RNGTT: variants seen among roughly 807,000 people sequenced by gnomAD.
RNGTT encodes the protein RNA guanylyltransferase and 5'-phosphatase.
Under a neutral mutation model 79.3 loss-of-function variants are expected in RNGTT, and 33 were observed. That is an observed-to-expected ratio of 0.42 (90% confidence interval 0.32 to 0.56). RNGTT has a LOEUF of 0.56. Ranked by LOEUF, RNGTT falls within the 20% of genes least tolerant of loss-of-function variation. The pLI is 0.17. For missense variants in RNGTT, 497 were observed against 739.1 expected, an observed-to-expected ratio of 0.67 and a Z score of 3.80; for synonymous variants, 222 against 235.9, an observed-to-expected ratio of 0.94 and a Z score of 0.54.
At chr6:88,875,696 G>C (rs1582570401) in intron 8 of RNGTT, among the ~76,000 whole-genome samples, 3 of 152,054 alleles carry the variant, frequency 2.0e-5, no homozygotes, top group Admixed American at 2.0e-4. Context: ...AAAGTACTCA[G>C]AACAATGCCT....
intron 2 of RNGTT, among the ~76,000 whole-genome samples, chr6:88,930,219 T>A (rs1784476189): frequency 7.0e-6 from 1 of 142,296 alleles, no homozygotes; most frequent in Admixed American, 6.9e-5. Flanking sequence ...TATATACATA[T>A]AAAACATGTA....
intron 9 of RNGTT, among the ~76,000 whole-genome samples, chr6:88,852,253 C>A (rs1781698168): frequency 6.6e-6 from 1 of 152,042 alleles, no homozygotes; most frequent in Non-Finnish European, 1.5e-5. Flanking sequence ...CTAAGCAATA[C>A]CCGTACTCTT....
chr6:88,799,292 T>C (rs1346128327), intron 12 of RNGTT, among the ~76,000 whole-genome samples: 2 of 152,172 alleles, frequency 1.3e-5, no homozygotes, highest in African/African-American at 4.8e-5. Context: ...CATGACAAAT[T>C]GATTCTGAAA....
At chr6:88,630,965 T>C (rs1009860257) in intron 14 of RNGTT, among the ~76,000 whole-genome samples, 1 of 152,204 alleles carries the variant, frequency 6.6e-6, no homozygotes, top group Admixed American at 6.5e-5. Context: ...TATTCTTATA[T>C]CCATTTAAAA....
chr6:88,657,241 T>A (rs1298756824), intron 14 of RNGTT, among the ~76,000 whole-genome samples: 3 of 152,144 alleles, frequency 2.0e-5, no homozygotes, highest in African/African-American at 4.8e-5. Context: ...TGAACATATA[T>A]CCCCACTGGA....
chr6:88,927,732 G>A (rs1440468757), intron 4 of RNGTT, among the ~76,000 whole-genome samples: 6 of 151,582 alleles, frequency 4.0e-5, no homozygotes, highest in Admixed American at 1.3e-4. Context: ...TACTCAGGGG[G>A]CTGAGGTGGG....
chr6:88,677,285 GAA>G (rs35139705), intron 14 of RNGTT, among the ~76,000 whole-genome samples: 16 of 109,178 alleles, frequency 1.5e-4, no homozygotes, highest in Admixed American at 3.0e-4. Context: ...TGGAGACCAG[GAA>G]AAAAAAAAAA....
intron 14 of RNGTT, among the ~76,000 whole-genome samples, chr6:88,633,621 CTAAAA>C (rs1772988591): frequency 6.6e-6 from 1 of 152,076 alleles, no homozygotes; most frequent in African/African-American, 2.4e-5. Context: ...AAGTGCTCAA[CTAAAA>C]TGTTTTTTTT....
intron 13 of RNGTT, among the ~76,000 whole-genome samples, chr6:88,690,868 T>C (rs1425907917): frequency 6.6e-6 from 1 of 152,182 alleles, no homozygotes; most frequent in Non-Finnish European, 1.5e-5. Flanking sequence ...TGAATACATG[T>C]GTCCTAAAGT....
chr6:88,860,221 T>C (rs1354906178), intron 8 of RNGTT, among the ~76,000 whole-genome samples: 1 of 152,212 alleles, frequency 6.6e-6, no homozygotes, highest in Non-Finnish European at 1.5e-5. Context: ...TTACTGGATA[T>C]GTGACTGAGA....
intron 13 of RNGTT, among the ~76,000 whole-genome samples, chr6:88,729,823 A>G (rs1380599271): frequency 6.6e-6 from 1 of 152,222 alleles, no homozygotes; most frequent in Non-Finnish European, 1.5e-5. Context: ...GCTCTGTCCA[A>G]TGAGTTAGCC....
chr6:88,617,829 T>A (rs1228346958), intron 14 of RNGTT, among the ~76,000 whole-genome samples: 1 of 151,912 alleles, frequency 6.6e-6, no homozygotes, highest in African/African-American at 2.4e-5. Context: ...TTTATTTGTA[T>A]CTTCTTTGAT....
intron 14 of RNGTT, among the ~76,000 whole-genome samples, chr6:88,619,498 C>T (rs1044892361): frequency 5.9e-5 from 9 of 152,120 alleles, no homozygotes; most frequent in African/African-American, 9.7e-5. Context: ...AACAGAATTA[C>T]TCTTCAACAG....
chr6:88,946,797 G>A (rs1310156781), intron 1 of RNGTT, among the ~76,000 whole-genome samples: 17 of 146,046 alleles, frequency 1.2e-4, no homozygotes, highest in Admixed American at 3.4e-4. Context: ...TGCGATTGCA[G>A]GCACGCGCCG....
intron 13 of RNGTT, among the ~76,000 whole-genome samples, chr6:88,762,167 G>A (rs1477025077): frequency 3.3e-5 from 5 of 152,078 alleles, no homozygotes; most frequent in African/African-American, 7.2e-5. Flanking sequence ...TAAGTGTGAC[G>A]GTATGTCCAC....
At chr6:88,712,974 G>A (rs1455259976) in intron 13 of RNGTT, among the ~76,000 whole-genome samples, 1 of 152,154 alleles carries the variant, frequency 6.6e-6, no homozygotes, top group East Asian at 1.9e-4. Context: ...AATAAGAGAT[G>A]AATCTAGAAT....
intron 12 of RNGTT, among the ~76,000 whole-genome samples, chr6:88,783,694 C>T (rs929884627): frequency 1.3e-5 from 2 of 152,086 alleles, no homozygotes; most frequent in African/African-American, 4.8e-5. Context: ...CAGTCTAAAG[C>T]AGGGTTCTTT....
Position 88,913,991 on chromosome 6 carries a change from T to C in RNGTT, c.368-7551A>G, listed in dbSNP as rs188571878. ...CAATAGCATTTCTATAAACCAATGATGTTCAACCTGAGAGCCAAATGAAAA... is the reference window on the plus strand; with the variant it reads ...CAATAGCATTTCTATAAACCAATGACGTTCAACCTGAGAGCCAAATGAAAA... On this transcript the variant is annotated intron_variant, in intron 4 of 15. Coordinates refer to ENST00000369485, the MANE Select transcript of RNGTT (RefSeq NM_003800.5). Among the ~76,000 whole-genome samples the C allele has an allele frequency of 2.5e-3, 386 of 152,238 alleles. 1 individual carries two copies. The highest frequency in any genetic ancestry group is 8.9e-3 in the African/African-American group (369 of 41,542).
In RNGTT at chr6:88,803,576, CA is replaced by C. The variant is rs146140117; in HGVS notation, c.1270-1945del. Among the ~76,000 whole-genome samples, 290 of 56,128 alleles carry C rather than the reference CA, an allele frequency of 5.2e-3. 1 individual carries two copies. The highest frequency in any genetic ancestry group is 0.028 in the East Asian group (47 of 1,696). The allele number at this position is 56,128 out of a possible 152,430, so 36.8% of individuals were successfully genotyped here. The stretch of plus-strand genomic sequence containing the variant: ...TGGGCAACAGAGTGAGACTCCATCT[CA>C]AAAAAAAAAAAAAAAAAAAACTAAA... On this transcript the variant is annotated intron_variant, in intron 11 of 15. Transcript: ENST00000369485.
Sources: allele counts gnomAD v4.1 joint callset (sites outside exome capture counted in the v4.1 genomes callset), GRCh38; gene constraint gnomAD v4.1.1; transcripts MANE v1.5; gene names NCBI Gene and HGNC (gene_info 2026-07-23, HGNC 2026-07-21).